EXPH5: variants seen among roughly 807,000 people sequenced by gnomAD.
The protein encoded by EXPH5 is exophilin-5.
A neutral mutation model predicts 41.1 loss-of-function variants in EXPH5; 42 were observed. That is an observed-to-expected ratio of 1.02 (90% CI 0.80 to 1.32). EXPH5 has a LOEUF of 1.32. EXPH5 is among the 40% of genes most tolerant of loss of function. The probability of loss-of-function intolerance (pLI) is 0.00; values close to 1 mark genes in which losing one functional copy is unlikely to be tolerated. For synonymous variants in EXPH5, 798 were observed against 833.5 expected (o/e 0.96, Z 0.73); for missense variants, 2,298 against 2,314.5 (o/e 0.99, Z 0.15).
In EXPH5 at chr11:108,528,185, C is replaced by T; in HGVS notation, c.444-1G>A. The T allele has an allele frequency of 6.2e-7, 1 of 1,608,290 alleles. No individual in the cohort carries two copies. The highest frequency in any genetic ancestry group is 8.5e-7 in the Non-Finnish European group (1 of 1,175,036). On this transcript the variant is annotated splice_acceptor_variant, in intron 3 of 5. Transcript: ENST00000265843. LOFTEE classifies it high-confidence loss of function. ...AGGAGGTCCTGCATGGCCATCACAT[C>T]TGTGGAAATAATTTGAAATGATTTC...
chr11:108,600,090 T>C, the EXPH5 span, among the ~76,000 whole-genome samples: 245 of 152,268 alleles, frequency 1.6e-3, 11 homozygotes, highest in East Asian at 0.033. Flanking sequence ...CCTTCTATAT[T>C]GTATGGAGAT....
rs1474296444 is a variant in EXPH5, at chr11:108,512,788, A to G, written c.2719T>C (p.Ser907Pro). The change falls in exon 6 of 6, where the codon TCC (serine) becomes CCC (proline). Residue 907 changes from serine to proline, a missense_variant. By Grantham distance (74) the Ser-to-Pro change is moderately conservative (BLOSUM62 -1). Transcript: ENST00000265843. ...TCTTTGTCTGAAGGACTTCTCCTGGAGAACACTGTAGTAGATGGAACCACA... is the reference window on the plus strand; with the variant it reads ...TCTTTGTCTGAAGGACTTCTCCTGGGGAACACTGTAGTAGATGGAACCACA... ...APVVPSTTVF[S>P]RRSPSDKDPS... 1.2e-6 allele frequency: 2 copies of G among 1,613,946 alleles called. No homozygotes were observed. The highest frequency in any genetic ancestry group is 2.2e-5 in the East Asian group (1 of 44,888).
At chr11:108,528,336 T>C in intron 3 of EXPH5, 152 bp from the exon 4 acceptor site, 5 of 580,288 alleles carry the variant, frequency 8.6e-6, no homozygotes, top group East Asian at 2.9e-5. Context: ...TAGTGCATTA[T>C]TGAAAAAAAT....
At chr11:108,600,025 G>GGTAA in the EXPH5 span, among the ~76,000 whole-genome samples, 2 of 152,130 alleles carry the variant, frequency 1.3e-5, no homozygotes, top group Admixed American at 6.5e-5. Flanking sequence ...TTGCAATCTG[G>GGTAA]GTAACTTGGA....
At chr11:108,601,738 T>G in the EXPH5 span, among the ~76,000 whole-genome samples, 1 of 148,582 alleles carries the variant, frequency 6.7e-6, no homozygotes, top group Admixed American at 6.6e-5. Flanking sequence ...TTTCTTTCTT[T>G]TCTTTTCTTT....
chr11:108,515,417 A>G (rs567370830), intron 5 of EXPH5, among the ~76,000 whole-genome samples: 278 of 152,328 alleles, frequency 1.8e-3, no homozygotes, highest in African/African-American at 5.8e-3. Flanking sequence ...AAACAGTATT[A>G]CCACTAAAAG....
In EXPH5 at chr11:108,511,049, C is replaced by T. The variant is rs775062364; in HGVS notation, c.4458G>A (p.Gly1486=). ...SSGSQPREGR[G]DIGTNCQKMT... ...TTTTTTGGCAGTTGGTTCCAATGTCCCCTCTGCCTTCCCTAGGCTGTGATC... is the reference window on the plus strand; with the variant it reads ...TTTTTTGGCAGTTGGTTCCAATGTCTCCTCTGCCTTCCCTAGGCTGTGATC... Residue 1486 remains glycine (G), a synonymous_variant, in exon 6 of 6, where the codon GGG becomes GGA. Coordinates refer to ENST00000265843, the MANE Select transcript of EXPH5 (RefSeq NM_015065.3). 4.3e-6 allele frequency: 7 copies of T among 1,614,122 alleles called. No individual in the cohort carries two copies. The East Asian group carries it at 6.7e-5, about 15-fold the overall frequency.
chr11:108,548,109 TAAAAAAA>T (rs66485994), intron 1 of EXPH5, among the ~76,000 whole-genome samples: 1 of 108,200 alleles, frequency 9.2e-6, no homozygotes, highest in Non-Finnish European at 1.7e-5. Context: ...ACTTCATCTT[TAAAAAAA>T]AAAAAAAAAA....
chr11:108,584,623 T>G (rs969110926), intron 1 of EXPH5, among the ~76,000 whole-genome samples: 47 of 152,108 alleles, frequency 3.1e-4, no homozygotes, highest in African/African-American at 1.1e-3. Context: ...TCCAAAAATA[T>G]AGCAAATTTT....
chr11:108,541,899 A>G (rs1474238681), intron 1 of EXPH5, 87 bp from the exon 2 acceptor site: 1 of 1,088,166 alleles, frequency 9.2e-7, no homozygotes, highest in Non-Finnish European at 1.3e-6. Context: ...TTTTTTTGAT[A>G]TGGGGGTCTC....
chr11:108,607,504 G>T, the EXPH5 span, among the ~76,000 whole-genome samples: 4 of 152,286 alleles, frequency 2.6e-5, no homozygotes, highest in East Asian at 7.7e-4. Context: ...TGGAAATGAT[G>T]ATGTGACTGG....
intron 1 of EXPH5, among the ~76,000 whole-genome samples, chr11:108,577,161 T>TGATG (rs1420344201): frequency 6.6e-6 from 1 of 152,218 alleles, no homozygotes; most frequent in Non-Finnish European, 1.5e-5. Context: ...ACATGTAGGT[T>TGATG]GATCTGTATC....
chr11:108,520,573 T>C (rs201255889), intron 4 of EXPH5, among the ~76,000 whole-genome samples: 1 of 100,638 alleles, frequency 9.9e-6, no homozygotes, highest in African/African-American at 6.8e-5. Context: ...TTCATTTATT[T>C]ATTTATTTAT....
intron 1 of EXPH5, among the ~76,000 whole-genome samples, chr11:108,573,156 G>GAAAGAAAA (rs1207052733): frequency 7.8e-6 from 1 of 128,558 alleles, no homozygotes; most frequent in Admixed American, 7.8e-5. Flanking sequence ...AAGAAAGAAA[G>GAAAGAAAA]AAAGAAAGAA....
At position 108,590,933 on chromosome 11, in the gene EXPH5, G is replaced by A. The variant is rs150097267; in HGVS notation, c.119+2485C>T. 8.4e-4 allele frequency among the ~76,000 whole-genome samples: 128 copies of A among 152,326 alleles called. 1 individual carries two copies. The highest frequency in any genetic ancestry group is 2.6e-3 in the African/African-American group (108 of 41,580). On this transcript the variant is annotated intron_variant, in intron 1 of 5. Coordinates refer to ENST00000265843, the MANE Select transcript of EXPH5 (RefSeq NM_015065.3). ...CTCCCAAAGCACTGGGATTACAGGC[G>A]TGAGCCACCGGGCCCAGCCCCAACT...
At chr11:108,549,898 T>C (rs567492406) in intron 1 of EXPH5, among the ~76,000 whole-genome samples, 1 of 152,366 alleles carries the variant, frequency 6.6e-6, no homozygotes, top group African/African-American at 2.4e-5. Flanking sequence ...TTGCCACTCT[T>C]AGGAGGTGGG....
At chr11:108,537,187 C>T (rs1017747545) in intron 3 of EXPH5, among the ~76,000 whole-genome samples, 5 of 152,166 alleles carry the variant, frequency 3.3e-5, no homozygotes, top group Non-Finnish European at 5.9e-5. Flanking sequence ...CTTTAATAAA[C>T]ACTTCTTTTC....
At chr11:108,598,116 T>C (rs2094141268), upstream of EXPH5, among the ~76,000 whole-genome samples, 2 of 152,236 alleles carry the variant, frequency 1.3e-5, no homozygotes, top group East Asian at 1.9e-4. Flanking sequence ...CCAGCCAGAG[T>C]GGTCAGGCTG....
upstream of EXPH5, among the ~76,000 whole-genome samples, chr11:108,596,684 G>T (rs1047885581): frequency 1.3e-5 from 2 of 152,130 alleles, no homozygotes; most frequent in African/African-American, 4.8e-5. Flanking sequence ...AGGATGAGGA[G>T]CAGAAGCTGA....
Sources: allele counts gnomAD v4.1 joint callset (sites outside exome capture counted in the v4.1 genomes callset), GRCh38; gene constraint gnomAD v4.1.1; transcripts MANE v1.5; gene names NCBI Gene and HGNC (gene_info 2026-07-23, HGNC 2026-07-21).